DESI2: variants seen among roughly 807,000 people sequenced by gnomAD.
The protein encoded by DESI2 is deubiquitinase DESI2.
Under a neutral mutation model 24.1 loss-of-function variants are expected in DESI2, and 10 were observed. The ratio of observed to expected loss-of-function variants is 0.41; its 90% CI spans 0.26 to 0.70. DESI2 has a LOEUF of 0.70. DESI2 is among the 30% of genes least tolerant of loss of function. DESI2 has a pLI of 0.29. For synonymous variants in DESI2, 71 were observed against 87.7 expected, an observed-to-expected ratio of 0.81 and a Z score of 1.06; for missense variants, 122 against 234.9, an observed-to-expected ratio of 0.52 and a Z score of 3.14.
At chr1:244,690,500 G>A (rs1676987301) in intron 3 of DESI2, among the ~76,000 whole-genome samples, 1 of 152,182 alleles carries the variant, frequency 6.6e-6, no homozygotes, top group African/African-American at 2.4e-5. Context: ...GAGGTCAGGA[G>A]TTCGAGATCA....
rs987492258 is a variant in DESI2 at position 244,653,193 on chromosome 1, G to C, written c.-121G>C. 1 of 1,037,080 alleles carries C rather than the reference G, an allele frequency of 9.6e-7. No individual in the cohort carries two copies. The highest frequency in any genetic ancestry group is 1.3e-6 in the Non-Finnish European group (1 of 776,798). The allele number at this position is 1,037,080 out of a possible 1,614,324, so 64.2% of individuals were successfully genotyped here. On this transcript the variant is annotated 5_prime_UTR_variant, in exon 1 of 5. Transcript: ENST00000302550. ...GATGCTTCCGCCCCGGCTGCCGCGG[G>C]CCGGGCTGTACGCTTAGTGCCCGGC... is the stretch of plus-strand genomic sequence containing the variant.
chr1:244,653,884 C>T, intron 1 of DESI2: 1 of 469,368 alleles, frequency 2.1e-6, no homozygotes, highest in South Asian at 1.6e-5. Context: ...TGAACAGGAG[C>T]CAACACACCC....
At position 244,705,698 on chromosome 1, in the gene DESI2, A is replaced by G. The variant is rs1209170378; in HGVS notation, c.494A>G (p.Asp165Gly). ...LQSSVSQELQDELEEAEDAAA... is the reference protein window; with the variant it reads ...LQSSVSQELQGELEEAEDAAA... ...TCTAGTGTCAGCCAAGAACTCCAGG[A>G]TGAACTGGAGGAAGCAGAGGATGCT... is the stretch of plus-strand genomic sequence containing the variant. The change falls in exon 5 of 5, where the codon GAT (aspartate) becomes GGT (glycine). Residue 165 changes from aspartate (D) to glycine (G), a missense_variant. Physicochemically the swap from Asp to Gly is moderately conservative, Grantham distance 94 (BLOSUM62 -1). This residue lies in a region of DESI2 where 56 missense variants were observed against 67.9 expected (regional missense o/e 0.82). Transcript: ENST00000302550. 3.7e-6 allele frequency: 6 copies of G among 1,614,002 alleles called. No individual in the cohort carries two copies. The African/African-American group carries it at 8.0e-5, about 22-fold the overall frequency.
chr1:244,672,312 C>G (rs1052644191), intron 1 of DESI2, among the ~76,000 whole-genome samples: 1 of 152,086 alleles, frequency 6.6e-6, no homozygotes, highest in Non-Finnish European at 1.5e-5. Context: ...TTTAAAAGAG[C>G]CGGGACCTCC....
intron 1 of DESI2, chr1:244,653,769 G>A: frequency 3.0e-6 from 1 of 335,670 alleles, no homozygotes; most frequent in Non-Finnish European, 5.8e-6. Context: ...TGCTTCTGCC[G>A]AACTGTCCGT....
intron 1 of DESI2, among the ~76,000 whole-genome samples, chr1:244,657,401 C>T (rs565659761): frequency 1.9e-4 from 29 of 152,328 alleles, no homozygotes; most frequent in Admixed American, 6.5e-4. Context: ...CACATTCTTC[C>T]TCTTGCCCCA....
Position 244,705,775 on chromosome 1 carries a change from C to T in DESI2, c.571C>T (p.His191Tyr). ...TGCAGCAGGCTCCAGACCCGGGCGC[C>T]ACACTAAACTATAAATGTCTCCAAA... ...STAAGSRPGR[H>Y]TKL Residue 191 changes from histidine to tyrosine, a missense_variant, in exon 5 of 5, where the codon CAC becomes TAC. By Grantham distance (83) the His-to-Tyr change is moderately conservative (BLOSUM62 2). Transcript: ENST00000302550. The T allele has an allele frequency of 1.2e-6, 2 of 1,609,686 alleles. No homozygotes were observed. The highest frequency in any genetic ancestry group is 1.7e-6 in the Non-Finnish European group (2 of 1,179,444).
At chr1:244,694,544 C>T (rs1172706604) in intron 4 of DESI2, 5 of 781,534 alleles carry the variant, frequency 6.4e-6, no homozygotes, top group African/African-American at 5.1e-5. Context: ...TTCGACCAGT[C>T]CCAGTGGTAT....
In DESI2 at chr1:244,686,680, A is replaced by C. The variant is rs1676836170; in HGVS notation, c.115+11A>C. 3.2e-6 allele frequency: 5 copies of C among 1,553,584 alleles called. No individual in the cohort carries two copies. Among genetic ancestry groups the C allele is most frequent in the Non-Finnish European group, 4.4e-6 (5 of 1,124,814 alleles). On this transcript the variant is annotated intron_variant, in intron 2 of 4. Coordinates refer to ENST00000302550, the MANE Select transcript of DESI2 (RefSeq NM_016076.5). The stretch of plus-strand genomic sequence containing the variant: ...AAGTCTATGGCAGAGGTACGTGTAC[A>C]CACAGTCTAAATATACTCTCTGAAG...
intron 4 of DESI2, among the ~76,000 whole-genome samples, chr1:244,693,850 A>G (rs983408808): frequency 6.6e-6 from 1 of 152,256 alleles, no homozygotes; most frequent in African/African-American, 2.4e-5. Flanking sequence ...AGGAGCTATT[A>G]TAATAAAATA....
intron 1 of DESI2, among the ~76,000 whole-genome samples, chr1:244,674,861 C>G (rs975274266): frequency 1.3e-5 from 2 of 152,172 alleles, no homozygotes; most frequent in African/African-American, 4.8e-5. Context: ...TTTCATTTCT[C>G]TTGGGCATAT....
In DESI2 at chr1:244,705,768, C is replaced by T. The variant is rs41315852; in HGVS notation, c.564C>T (p.Pro188=). The T allele has an allele frequency of 4.7e-4, 752 of 1,611,226 alleles. 3 individuals are homozygous for T. In the African/African-American group the frequency reaches 8.5e-3, roughly 18 times the overall value. ...SVASTAAGSR[P]GRHTKL The stretch of plus-strand genomic sequence containing the variant: ...CAAGCACTGCAGCAGGCTCCAGACC[C>T]GGGCGCCACACTAAACTATAAATGT... Residue 188 remains proline, a synonymous_variant, in exon 5 of 5, where the codon CCC becomes CCT. Transcript: ENST00000302550.
At chr1:244,702,758 C>T (rs551360594) in intron 4 of DESI2, among the ~76,000 whole-genome samples, 18 of 152,062 alleles carry the variant, frequency 1.2e-4, no homozygotes, top group Non-Finnish European at 2.4e-4. Flanking sequence ...CAAGCCACAC[C>T]CTCAGGGGTT....
intron 1 of DESI2, among the ~76,000 whole-genome samples, chr1:244,667,162 A>G (rs2148788408): frequency 6.6e-6 from 1 of 152,274 alleles, no homozygotes; most frequent in East Asian, 1.9e-4. Context: ...GCAGTCCCCT[A>G]AAGTCTTAAC....
chr1:244,706,030 C>A lies in DESI2; in HGVS notation c.*241C>A, dbSNP rs1160938888. The A allele has an allele frequency of 1.2e-5, 6 of 497,502 alleles. No individual in the cohort carries two copies. The highest frequency in any genetic ancestry group is 1.1e-4 in the East Asian group (3 of 27,556). 30.8% of individuals were successfully genotyped at this position (497,502 alleles called of 1,614,324 possible). A position where few individuals can be genotyped will look rare whatever the true frequency, so the allele number is the denominator to read the frequency against. On this transcript the variant is annotated 3_prime_UTR_variant, in exon 5 of 5. Transcript: ENST00000302550. ...TCCACTCGTAAATCTGGATTTATTTCTTCTGTTTTATACAAGCTCTGTTAA... is the reference window on the plus strand; with the variant it reads ...TCCACTCGTAAATCTGGATTTATTTATTCTGTTTTATACAAGCTCTGTTAA...
In DESI2 at chr1:244,705,993, CTGT is replaced by C. The variant is rs1475470430; in HGVS notation, c.*206_*208del. The C allele has an allele frequency of 2.0e-5, 11 of 556,218 alleles. No homozygotes were observed. The highest frequency in any genetic ancestry group is 9.6e-4 in the Middle Eastern group (2 of 2,080). The allele number at this position is 556,218 out of a possible 1,614,324, so 34.5% of individuals were successfully genotyped here. On this transcript the variant is annotated 3_prime_UTR_variant, in exon 5 of 5. Transcript: ENST00000302550. ...GGAGAACTTTGTAAGAAGCTGCCCT[CTGT>C]TTTTTTTATCCACTCGTAAATCTGG...
In DESI2 at chr1:244,704,745, G is replaced by A. The variant is rs142696972; in HGVS notation, c.352-811G>A. On this transcript the variant is annotated intron_variant, in intron 4 of 4. Transcript: ENST00000302550. The stretch of plus-strand genomic sequence containing the variant: ...GTGATGTCAGCTCACTGCAACCTCC[G>A]CCTCCCGGGTTCAGGTGATTCTCCT... 8.8e-3 allele frequency among the ~76,000 whole-genome samples: 1,345 copies of A among 152,230 alleles called. 17 individuals carry two copies. Among genetic ancestry groups the A allele is most frequent in the Middle Eastern group, 0.031 (9 of 292 alleles).
intron 4 of DESI2, among the ~76,000 whole-genome samples, chr1:244,697,015 ACT>A (rs1677241119): frequency 6.6e-6 from 1 of 151,718 alleles, no homozygotes; most frequent in South Asian, 2.1e-4. Context: ...ATCCTACCTG[ACT>A]CTATTAGGAG....
chr1:244,699,826 C>A (rs1002973189), intron 4 of DESI2, among the ~76,000 whole-genome samples: 1 of 152,170 alleles, frequency 6.6e-6, no homozygotes, highest in African/African-American at 2.4e-5. Flanking sequence ...TGCCTTTCCG[C>A]TCTTCCCTAA....
Sources: gnomAD v4.1 joint callset for allele counts (sites outside exome capture counted in the v4.1 genomes callset) on GRCh38, gnomAD v4.1.1 for gene constraint, gnomAD v4.1.1 regional missense constraint, MANE v1.5 for transcripts, NCBI Gene and HGNC (gene_info 2026-07-23, HGNC 2026-07-21) for gene names.